Variants in VTA1 observed in about 807,000 individuals in gnomAD.
The protein encoded by VTA1 is vacuolar protein sorting-associated protein VTA1 homolog.
VTA1 carries 24 observed loss-of-function variants against 36.9 expected under a neutral mutation model. The observed-to-expected ratio is 0.65, with a 90% CI of 0.47 to 0.91. VTA1 has a LOEUF of 0.91. Ranked by LOEUF, VTA1 falls within the 40% of genes least tolerant of loss-of-function variation. The probability of loss-of-function intolerance (pLI) is 0.00; values close to 1 mark genes in which losing one functional copy is unlikely to be tolerated. For missense variants in VTA1, 393 were observed against 377.2 expected, an observed-to-expected ratio of 1.04 and a Z score of -0.35; for synonymous variants, 142 against 130.2, an observed-to-expected ratio of 1.09 and a Z score of -0.62.
At chr6:142,157,499 A>G (rs1267252214) in intron 1 of VTA1, among the ~76,000 whole-genome samples, 8 of 152,106 alleles carry the variant, frequency 5.3e-5, no homozygotes, top group Non-Finnish European at 2.9e-5. Flanking sequence ...TTATTTTGTA[A>G]AAATTATTTC....
At chr6:142,203,098 T>G (rs1775721562) in intron 6 of VTA1, among the ~76,000 whole-genome samples, 1 of 152,050 alleles carries the variant, frequency 6.6e-6, no homozygotes, top group South Asian at 2.1e-4. Context: ...ATTTTAGAAC[T>G]TCAGCCATCT....
intron 4 of VTA1, among the ~76,000 whole-genome samples, chr6:142,177,339 A>G (rs1232468415): frequency 1.3e-5 from 2 of 152,248 alleles, no homozygotes; most frequent in African/African-American, 4.8e-5. Context: ...CCATAACTGC[A>G]TGACTTTGGG....
intron 4 of VTA1, among the ~76,000 whole-genome samples, chr6:142,179,004 T>G (rs747595480): frequency 6.6e-6 from 1 of 152,002 alleles, no homozygotes; most frequent in Non-Finnish European, 1.5e-5. Flanking sequence ...AGGGGCCATT[T>G]TATAATAATG....
Position 142,147,313 on chromosome 6 carries a change from C to G in VTA1, c.26C>G (p.Pro9Arg), listed in dbSNP as rs760204581. ...ATGGCCGCGCTTGCACCGCTGCCCC[C>G]GCTCCCCGCACAGTTCAAGAGCATA... Reference protein sequence around the residue: MAALAPLPPLPAQFKSIQH... With the variant: MAALAPLPRLPAQFKSIQH... The change falls in exon 1 of 8, where the codon CCG (proline) becomes CGG (arginine). Residue 9 changes from proline (P) to arginine (R), a missense_variant. Transcript: ENST00000367630. The G allele has an allele frequency of 1.1e-5, 18 of 1,614,074 alleles. No homozygotes were observed. Among genetic ancestry groups the G allele is most frequent in the South Asian group, 5.5e-5 (5 of 91,086 alleles).
intron 7 of VTA1, among the ~76,000 whole-genome samples, chr6:142,217,548 G>A (rs772723035): frequency 1.6e-4 from 24 of 151,188 alleles, no homozygotes; most frequent in Non-Finnish European, 3.1e-4. Context: ...TGCTGCGTGT[G>A]TGTATTTGTG....
chr6:142,170,263 A>G (rs1375774986), intron 3 of VTA1, 83 bp from the exon 4 acceptor site: 5 of 1,002,646 alleles, frequency 5.0e-6, no homozygotes, highest in African/African-American at 4.9e-5. Context: ...AAAGATAGGA[A>G]TTTTTTTTCT....
intron 4 of VTA1, among the ~76,000 whole-genome samples, chr6:142,175,154 G>A (rs1349706105): frequency 6.6e-6 from 1 of 152,100 alleles, no homozygotes; most frequent in Non-Finnish European, 1.5e-5. Flanking sequence ...AAGGCCACTG[G>A]TTCACAAGAT....
intron 7 of VTA1, among the ~76,000 whole-genome samples, chr6:142,209,604 A>G (rs992316778): frequency 8.3e-4 from 125 of 151,052 alleles, no homozygotes; most frequent in African/African-American, 2.9e-3. Context: ...TAATACAAAA[A>G]ATGTAATACA....
At chr6:142,218,461 A>G (rs779234410) in intron 7 of VTA1, 37 bp from the exon 8 acceptor site, 1 of 1,603,220 alleles carries the variant, frequency 6.2e-7, no homozygotes, top group South Asian at 1.1e-5. Context: ...CACTTTTTAT[A>G]TTCTTATAAA....
intron 4 of VTA1, 136 bp from the exon 5 acceptor site, chr6:142,189,290 G>T (rs1348822943): frequency 3.6e-5 from 22 of 605,480 alleles, no homozygotes; most frequent in Non-Finnish European, 5.4e-5. Context: ...ATAGGGTGGG[G>T]TATTGCCAGT....
chr6:142,152,577 CAA>C (rs1005418457), intron 1 of VTA1, among the ~76,000 whole-genome samples: 1 of 151,862 alleles, frequency 6.6e-6, no homozygotes, highest in Non-Finnish European at 1.5e-5. Context: ...TAATTCATAA[CAA>C]TGTAAAATTT....
chr6:142,203,352 ATTG>A (rs1305494994), intron 6 of VTA1, among the ~76,000 whole-genome samples: 1 of 151,982 alleles, frequency 6.6e-6, no homozygotes, highest in Non-Finnish European at 1.5e-5. Context: ...TTTCCTGCTG[ATTG>A]AATCATTTCA....
At chr6:142,155,528 G>A (rs985769484) in intron 1 of VTA1, among the ~76,000 whole-genome samples, 12 of 152,162 alleles carry the variant, frequency 7.9e-5, no homozygotes, top group African/African-American at 2.9e-4. Flanking sequence ...ATATGAAAGT[G>A]TGGAATACGG....
intron 7 of VTA1, among the ~76,000 whole-genome samples, 179 bp from the exon 8 acceptor site, chr6:142,218,319 A>T (rs1460639719): frequency 2.0e-5 from 3 of 152,178 alleles, no homozygotes; most frequent in African/African-American, 7.2e-5. Context: ...TATATTAGTA[A>T]TAAAAAGACA....
chr6:142,207,089 C>T (rs1440428552), intron 7 of VTA1, among the ~76,000 whole-genome samples: 1 of 152,126 alleles, frequency 6.6e-6, no homozygotes, highest in Non-Finnish European at 1.5e-5. Context: ...CCAGCAACAA[C>T]CCAGAGCCCA....
At chr6:142,160,795 T>C (rs1210314377) in intron 1 of VTA1, among the ~76,000 whole-genome samples, 1 of 152,172 alleles carries the variant, frequency 6.6e-6, no homozygotes, top group East Asian at 1.9e-4. Context: ...AGAAGTAGAA[T>C]CTGTGTTCTC....
intron 7 of VTA1, among the ~76,000 whole-genome samples, chr6:142,215,785 C>G (rs182130644): frequency 6.6e-6 from 1 of 152,296 alleles, no homozygotes; most frequent in Admixed American, 6.5e-5. Flanking sequence ...ATATATCAAC[C>G]TTGGAAATGG....
rs141517497 is a variant in VTA1, at chr6:142,213,996, A to G, written c.779-4502A>G. Among the ~76,000 whole-genome samples, 216 of 152,030 alleles carry G rather than the reference A, an allele frequency of 1.4e-3. 1 individual carries two copies. The highest frequency in any genetic ancestry group is 2.0e-3 in the Non-Finnish European group (134 of 67,988). On this transcript the variant is annotated intron_variant, in intron 7 of 7. Transcript: ENST00000367630. ...AGACTTGAATTTTGCCCCAGAAAACAGGGTTTTTTTTTTGTACCACATGAT... is the reference window on the plus strand; with the variant it reads ...AGACTTGAATTTTGCCCCAGAAAACGGGGTTTTTTTTTTGTACCACATGAT...
rs531314846 is a variant in VTA1 at position 142,187,871 on chromosome 6, A to ATCAGTGACT, written c.412-1552_412-1544dup. Among the ~76,000 whole-genome samples, 265 of 150,252 alleles carry ATCAGTGACT rather than the reference A, an allele frequency of 1.8e-3. 2 individuals carry two copies. The highest frequency in any genetic ancestry group is 5.8e-3 in the African/African-American group (236 of 40,898). On this transcript the variant is annotated intron_variant, in intron 4 of 7. Coordinates refer to ENST00000367630, the MANE Select transcript of VTA1 (RefSeq NM_016485.5). Reference sequence around the variant, plus strand: ...TGGACCACCTGCTGCATTTGTACTTATCAGTGACTTCGTGGATCTTTGCAA... The same window carrying ATCAGTGACT: ...TGGACCACCTGCTGCATTTGTACTTATCAGTGACTTCAGTGACTTCGTGGATCTTTGCAA...
Sources: gnomAD v4.1 joint callset for allele counts (sites outside exome capture counted in the v4.1 genomes callset) on GRCh38, gnomAD v4.1.1 for gene constraint, MANE v1.5 for transcripts, NCBI Gene and HGNC (gene_info 2026-07-23, HGNC 2026-07-21) for gene names.